HESX1: variants seen among roughly 807,000 people sequenced by gnomAD.
The protein encoded by HESX1 is HESX homeobox 1.
In HESX1, 11 loss-of-function variants were observed where a neutral mutation model predicts 22.5. The ratio of observed to expected loss-of-function variants is 0.49; its 90% CI spans 0.31 to 0.81. The LOEUF is 0.81. HESX1 is among the 30% of genes least tolerant of loss of function. The probability of loss-of-function intolerance (pLI) is 0.05; values close to 1 mark genes in which losing one functional copy is unlikely to be tolerated. For missense variants in HESX1, 201 were observed against 212.6 expected (o/e 0.95, Z 0.34); for synonymous variants, 74 against 76.5 (o/e 0.97, Z 0.17).
rs528919258 is a variant in HESX1 at position 57,199,925 on chromosome 3, G to A, written c.-7C>T. 2.9e-5 allele frequency: 46 copies of A among 1,613,374 alleles called. No homozygotes were observed. The highest frequency in any genetic ancestry group is 1.7e-4 in the Middle Eastern group (1 of 5,900). On this transcript the variant is annotated 5_prime_UTR_variant, in exon 1 of 4. The change creates a new upstream start codon in the 5' untranslated region. Transcript: ENST00000295934. ...CCTGAAGGCTGGGAGACATCCTCTC[G>A]TGGTCTGCACAGAGCAACAGCTCTG...
upstream of HESX1, among the ~76,000 whole-genome samples, chr3:57,203,615 C>T (rs1346053962): frequency 2.6e-5 from 4 of 152,016 alleles, no homozygotes; most frequent in Non-Finnish European, 2.9e-5. Flanking sequence ...AGTGCAGTGG[C>T]GCAACCTCTG....
Position 57,199,829 on chromosome 3 carries a change from G to C in HESX1, c.90C>G (p.Asp30Glu), listed in dbSNP as rs115448575. ...TTAATGGAACACAGTCTTTCTTCTG[G>C]TCCAGTCCTAAGATTCTCTCAATTG... ...SFSIERILGL[D>E]QKKDCVPLMK... Residue 30 changes from aspartate to glutamate, a missense_variant, in exon 1 of 4, where the codon GAC becomes GAG. Coordinates refer to ENST00000295934, the MANE Select transcript of HESX1 (RefSeq NM_003865.3). 1 of 1,613,972 alleles carries C rather than the reference G, an allele frequency of 6.2e-7. No individual in the cohort carries two copies. Among genetic ancestry groups the C allele is most frequent in the East Asian group, 2.2e-5 (1 of 44,876 alleles).
At chr3:57,201,879 CTATCTATCTATCTA>C, upstream of HESX1, among the ~76,000 whole-genome samples, 1 of 69,544 alleles carries the variant, frequency 1.4e-5, no homozygotes, top group African/African-American at 7.3e-5. Flanking sequence ...CTATCTATAT[CTATCTATCTATCTA>C]TCTATCTATC....
intron 1 of HESX1, among the ~76,000 whole-genome samples, chr3:57,225,887 T>C (rs2060640272): frequency 2.7e-5 from 4 of 150,316 alleles, no homozygotes; most frequent in Admixed American, 6.6e-5. Flanking sequence ...TTTTCTTTTT[T>C]TTTTTTTTTT....
chr3:57,200,670 T>C (rs139315472), upstream of HESX1, among the ~76,000 whole-genome samples: 2 of 152,340 alleles, frequency 1.3e-5, no homozygotes, highest in Non-Finnish European at 2.9e-5. Context: ...TTCTTTTAAA[T>C]GAGAGAGATA....
At chr3:57,206,177 C>T (rs1020464706) in intron 1 of HESX1, among the ~76,000 whole-genome samples, 6 of 151,904 alleles carry the variant, frequency 3.9e-5, no homozygotes, top group Admixed American at 6.6e-5. Context: ...GGTGACAGAG[C>T]GAAACAACTT....
chr3:57,217,222 A>G (rs909024467), intron 1 of HESX1, among the ~76,000 whole-genome samples: 3 of 152,172 alleles, frequency 2.0e-5, no homozygotes, highest in Middle Eastern at 3.2e-3. Flanking sequence ...CTCTGCTTCC[A>G]GGCCCTCTCA....
intron 1 of HESX1, among the ~76,000 whole-genome samples, chr3:57,214,496 T>G (rs552785106): frequency 3.3e-4 from 51 of 152,346 alleles, no homozygotes; most frequent in African/African-American, 1.2e-3. Context: ...AAATTCCAGC[T>G]CTTCTTAGCT....
chr3:57,209,920 G>T (rs1057176589), intron 1 of HESX1, among the ~76,000 whole-genome samples: 1 of 152,008 alleles, frequency 6.6e-6, no homozygotes, highest in Non-Finnish European at 1.5e-5. Flanking sequence ...TTTATCATTT[G>T]GTAGCTGAGA....
intron 1 of HESX1, among the ~76,000 whole-genome samples, chr3:57,205,377 C>T (rs2060514274): frequency 6.6e-6 from 1 of 152,144 alleles, no homozygotes; most frequent in African/African-American, 2.4e-5. Flanking sequence ...GCACTTCAGC[C>T]TAGGACACAG....
intron 1 of HESX1, among the ~76,000 whole-genome samples, chr3:57,211,580 C>T (rs1301764498): frequency 6.8e-6 from 1 of 148,070 alleles, no homozygotes; most frequent in Non-Finnish European, 1.5e-5. Flanking sequence ...CGCCTGTAAT[C>T]CCAGCACTTT....
Position 57,198,449 on chromosome 3 carries a change from C to T in HESX1, c.401G>A (p.Gly134Asp). ...ENVFRVNCYP[G>D]IDIREDLAQK... The stretch of plus-strand genomic sequence containing the variant: ...AGCTAAGTCTTCTCTAATATCGATA[C>T]CAGGATAGCAGTTTACTCTAAAGAC... The change falls in exon 3 of 4, where the codon GGT (glycine) becomes GAT (aspartate). Residue 134 changes from glycine (G) to aspartate (D), a missense_variant. By Grantham distance (94) the Gly-to-Asp change is moderately conservative (BLOSUM62 -1). Transcript: ENST00000295934. 6.2e-7 allele frequency: 1 copy of T among 1,606,604 alleles called. No individual in the cohort carries two copies. Among genetic ancestry groups the T allele is most frequent in the Non-Finnish European group, 8.5e-7 (1 of 1,173,880 alleles).
Position 57,218,648 on chromosome 3 carries a change from G to T in HESX1, c.-111+7648C>A, listed in dbSNP as rs544820677. 2.7e-3 allele frequency among the ~76,000 whole-genome samples: 407 copies of T among 152,072 alleles called. 1 individual carries two copies. Among genetic ancestry groups the T allele is most frequent in the Admixed American group, 4.9e-3 (75 of 15,260 alleles). On this transcript the variant is annotated intron_variant, in intron 1 of 2. Transcript: ENST00000495160. The stretch of plus-strand genomic sequence containing the variant: ...TAGTTGAGACGGGTTTTGCCATGTT[G>T]GCCAGGCTGGTCTTGAACTCCTGAC...
In HESX1 at chr3:57,198,734, G is replaced by C; in HGVS notation, c.357+19C>G. ...TTAAAGCCTTTATATTATCATTATT[G>C]GGTGAAAAAACTTCCCACCTGGTTT... On this transcript the variant is annotated intron_variant, in intron 2 of 3. Transcript: ENST00000295934. 1 of 1,606,338 alleles carries C rather than the reference G, an allele frequency of 6.2e-7. No individual in the cohort carries two copies. The highest frequency in any genetic ancestry group is 8.5e-7 in the Non-Finnish European group (1 of 1,173,584).
At chr3:57,199,101 A>C in intron 1 of HESX1, 149 bp from the exon 2 acceptor site, 1 of 709,382 alleles carries the variant, frequency 1.4e-6, no homozygotes, top group Non-Finnish European at 2.4e-6. Flanking sequence ...AAAAACCAAT[A>C]AAAAATGAAG....
intron 1 of HESX1, 120 bp from the exon 2 acceptor site, chr3:57,199,072 G>T: frequency 1.1e-6 from 1 of 910,694 alleles, no homozygotes; most frequent in Non-Finnish European, 1.8e-6. Context: ...GTTCACAAGA[G>T]AATTGCACCC....
intron 1 of HESX1, among the ~76,000 whole-genome samples, chr3:57,211,527 C>CAAAAAAAAAAAAAAAAA (rs61137408): frequency 6.3e-5 from 2 of 31,984 alleles, no homozygotes; most frequent in Non-Finnish European, 9.9e-5. Context: ...GAGACCTTGT[C>CAAAAAAAAAAAAAAAAA]AAAAAAAAAA....
upstream of HESX1, among the ~76,000 whole-genome samples, chr3:57,201,875 A>ATCTATATCTATCTATCTATC (rs796249286): frequency 1.5e-5 from 2 of 131,844 alleles, no homozygotes; most frequent in African/African-American, 5.5e-5. Context: ...CTATCTATCT[A>ATCTATATCTATCTATCTATC]TATCTATCTA....
chr3:57,223,021 A>G (rs1458597812), intron 1 of HESX1, among the ~76,000 whole-genome samples: 1 of 152,198 alleles, frequency 6.6e-6, no homozygotes, highest in Non-Finnish European at 1.5e-5. Flanking sequence ...AATGAAAAAG[A>G]TAATTTTTAC....
Sources: allele counts gnomAD v4.1 joint callset (sites outside exome capture counted in the v4.1 genomes callset), GRCh38; gene constraint gnomAD v4.1.1; transcripts MANE v1.5; gene names NCBI Gene and HGNC (gene_info 2026-07-23, HGNC 2026-07-21).